Variants in CAPG observed in about 807,000 individuals in gnomAD.
CAPG encodes capping actin protein, gelsolin like.
Under a neutral mutation model 44.6 loss-of-function variants are expected in CAPG, and 32 were observed. The observed-to-expected ratio is 0.72, with a 90% CI of 0.54 to 0.96. The LOEUF (loss-of-function observed/expected upper bound fraction) is 0.96, where lower values mean the gene tolerates loss of function less well. Ranked by LOEUF, CAPG falls within the 50% of genes least tolerant of loss-of-function variation. CAPG has a pLI of 0.00. For missense variants in CAPG, 412 were observed against 438.3 expected (o/e 0.94, Z 0.54); for synonymous variants, 175 against 179.6 (o/e 0.97, Z 0.20).
At chr2:85,401,084 C>T in intron 5 of CAPG, 81 bp downstream of exon 5, 2 of 1,367,302 alleles carry the variant, frequency 1.5e-6, no homozygotes, top group Non-Finnish European at 2.0e-6. Context: ...AGCTTCTCTC[C>T]CTCTTTCCTG....
Position 85,394,916 on chromosome 2 carries a change from G to A in CAPG, c.1024C>T (p.Gln342Ter). 6.2e-7 allele frequency: 1 copy of A among 1,613,386 alleles called. No individual in the cohort carries two copies. The highest frequency in any genetic ancestry group is 8.5e-7 in the Non-Finnish European group (1 of 1,179,290). The change falls in exon 10 of 10, where the codon CAA (glutamine) becomes TAA (stop). Residue 342 changes from glutamine to a stop codon, truncating the protein, a stop_gained. Transcript: ENST00000263867. LOFTEE classifies it high-confidence loss of function. ...PQGHESPIFK[Q>*]FFKDWK ...CCTCATTTCCAGTCCTTGAAAAATT[G>A]CTTGAAGATGGGACTCTCATGGCCC... is the stretch of plus-strand genomic sequence containing the variant.
At chr2:85,409,555 G>T (rs1687322530) in intron 1 of CAPG, among the ~76,000 whole-genome samples, 1 of 151,938 alleles carries the variant, frequency 6.6e-6, no homozygotes, top group Admixed American at 6.6e-5. Context: ...CTTGCCCCTA[G>T]GTGTGAAATG....
chr2:85,406,573 T>C (rs1482626438), intron 1 of CAPG, among the ~76,000 whole-genome samples: 2 of 151,986 alleles, frequency 1.3e-5, no homozygotes. Flanking sequence ...AGAATCCTGT[T>C]AGGGGCCGGG....
Position 85,395,396 on chromosome 2 carries a change from T to C in CAPG, c.981+142A>G, listed in dbSNP as rs532255201. On this transcript the variant is annotated intron_variant, in intron 9 of 9. Transcript: ENST00000263867. The surrounding 1 kb of genome is among the most constrained non-coding windows in gnomAD (Gnocchi z 4.3). ...CATTTTGAAGGATTGAGATGGGCTTTCCCACTGGATGGGTCTAAGAGGGAG... is the reference window on the plus strand; with the variant it reads ...CATTTTGAAGGATTGAGATGGGCTTCCCCACTGGATGGGTCTAAGAGGGAG... 1.5e-6 allele frequency: 1 copy of C among 655,634 alleles called. No homozygotes were observed. The highest frequency in any genetic ancestry group is 2.8e-6 in the Non-Finnish European group (1 of 363,322). 40.6% of individuals were successfully genotyped at this position (655,634 alleles called of 1,614,324 possible). A position where few individuals can be genotyped will look rare whatever the true frequency, so the allele number is the denominator to read the frequency against.
upstream of CAPG, among the ~76,000 whole-genome samples, chr2:85,411,524 T>C (rs539327357): frequency 2.6e-5 from 4 of 152,246 alleles, no homozygotes; most frequent in African/African-American, 9.6e-5. Context: ...GCGGACTCAG[T>C]ATGAGGCTCC....
intron 8 of CAPG, among the ~76,000 whole-genome samples, chr2:85,397,318 T>A (rs896544435): frequency 1.3e-5 from 2 of 152,136 alleles, no homozygotes; most frequent in African/African-American, 4.8e-5. Flanking sequence ...AATCAGAATC[T>A]ATGGGGGTGG....
At chr2:85,398,550 T>G (rs1686719562) in intron 7 of CAPG, 140 bp downstream of exon 7, 2 of 707,730 alleles carry the variant, frequency 2.8e-6, no homozygotes, top group African/African-American at 1.8e-5. Flanking sequence ...CCCAGCCCTG[T>G]ATAACTCCCC....
intron 1 of CAPG, among the ~76,000 whole-genome samples, chr2:85,405,450 G>A (rs1343652022): frequency 1.3e-5 from 2 of 152,050 alleles, no homozygotes; most frequent in East Asian, 3.9e-4. Flanking sequence ...AAGGGCTTGG[G>A]GAATTGGAGG....
At position 85,395,029 on chromosome 2, in the gene CAPG, G is replaced by A; in HGVS notation, c.982-71C>T. ...TCTGCCTCTGCCCAGGAGGACAGGA[G>A]GGGGCCAGAGCCAGGGAGGAGGGTG... On this transcript the variant is annotated intron_variant, in intron 9 of 9. Transcript: ENST00000263867. This position sits in a 1 kb window ranked among gnomAD's most constrained non-coding sequence, Gnocchi z 4.3. The A allele has an allele frequency of 9.4e-7, 1 of 1,061,202 alleles. No homozygotes were observed. Among genetic ancestry groups the A allele is most frequent in the Non-Finnish European group, 1.5e-6 (1 of 683,136 alleles). 65.7% of individuals were successfully genotyped at this position (1,061,202 alleles called of 1,614,324 possible). A position where few individuals can be genotyped will look rare whatever the true frequency, so the allele number is the denominator to read the frequency against.
At chr2:85,408,519 A>G (rs1196614300) in intron 1 of CAPG, among the ~76,000 whole-genome samples, 1 of 152,108 alleles carries the variant, frequency 6.6e-6, no homozygotes, top group Non-Finnish European at 1.5e-5. Context: ...GTTTTATAGC[A>G]TAAACTGGCT....
upstream of CAPG, among the ~76,000 whole-genome samples, chr2:85,419,436 A>G (rs1364732401): frequency 6.6e-6 from 1 of 152,216 alleles, no homozygotes; most frequent in Non-Finnish European, 1.5e-5. Flanking sequence ...CCAGGAACTC[A>G]GGGTCCGGCC....
Position 85,401,788 on chromosome 2 carries a change from T to C in CAPG, c.193A>G (p.Ile65Val), listed in dbSNP as rs1000920358. Residue 65 changes from isoleucine (I) to valine (V), a missense_variant, in exon 3 of 10, where the codon ATA (isoleucine) becomes GTA (valine). By Grantham distance (29) the Ile-to-Val change is conservative. Transcript: ENST00000263867. ...PEEVSHLHLWIGQQSSRDEQG... is the reference protein window; with the variant it reads ...PEEVSHLHLWVGQQSSRDEQG... ...TCCCCCATCCAGATCCCCTTACCTATCCACAGGTGCAGATGGGAAACCTCT... is the reference window on the plus strand; with the variant it reads ...TCCCCCATCCAGATCCCCTTACCTACCCACAGGTGCAGATGGGAAACCTCT... The C allele has an allele frequency of 1.2e-6, 2 of 1,613,422 alleles. No individual in the cohort carries two copies. The highest frequency in any genetic ancestry group is 1.7e-6 in the Non-Finnish European group (2 of 1,179,828).
chr2:85,399,076 C>T, intron 6 of CAPG, 60 bp downstream of exon 6: 2 of 1,575,814 alleles, frequency 1.3e-6, no homozygotes, highest in Admixed American at 3.4e-5. Flanking sequence ...AGCTCATCAC[C>T]ACCTCTCTTG....
At chr2:85,394,695 T>C, downstream of CAPG, 1 of 633,428 alleles carries the variant, frequency 1.6e-6, no homozygotes, top group Non-Finnish European at 2.9e-6. Context: ...ACCCCCAGCA[T>C]GGGGATGAAC....
At chr2:85,418,962 G>A (rs372698365), upstream of CAPG, 1 of 152,224 alleles carries the variant, frequency 6.6e-6, no homozygotes, top group Non-Finnish European at 1.5e-5. Context: ...GATGGTGGGT[G>A]GGGGGTTGGG....
upstream of CAPG, chr2:85,414,148 G>A (rs1032215431): frequency 6.6e-6 from 1 of 152,458 alleles, no homozygotes; most frequent in East Asian, 1.9e-4. Flanking sequence ...AAGGGTCCTA[G>A]AATTGGGCGT....
downstream of CAPG, among the ~76,000 whole-genome samples, chr2:85,394,049 A>G (rs1050194443): frequency 3.1e-4 from 47 of 152,226 alleles, no homozygotes; most frequent in African/African-American, 1.1e-3. Context: ...CTCTGGTCCA[A>G]GCTGACACAG....
chr2:85,401,802 T>C lies in CAPG; in HGVS notation c.179A>G (p.His60Arg). The change falls in exon 3 of 10, where the codon CAT (histidine) becomes CGT (arginine). Residue 60 changes from histidine to arginine, a missense_variant. Transcript: ENST00000263867. ...VLHNGPEEVS[H>R]LHLWIGQQSS... ...CCCCTTACCTATCCACAGGTGCAGATGGGAAACCTCTTCTGGGCCATTGTG... is the reference window on the plus strand; with the variant it reads ...CCCCTTACCTATCCACAGGTGCAGACGGGAAACCTCTTCTGGGCCATTGTG... 1.2e-6 allele frequency: 2 copies of C among 1,613,578 alleles called. No individual in the cohort carries two copies. The highest frequency in any genetic ancestry group is 2.2e-5 in the East Asian group (1 of 44,792).
intron 2 of CAPG, 52 bp from the exon 3 acceptor site, chr2:85,402,009 A>G (rs1686925758): frequency 2.5e-6 from 4 of 1,609,630 alleles, no homozygotes; most frequent in Middle Eastern, 1.7e-4. Flanking sequence ...GCCCAAGCAC[A>G]GCCCTGGGCA....
Sources: gnomAD v4.1 joint callset for allele counts (sites outside exome capture counted in the v4.1 genomes callset) on GRCh38, gnomAD v4.1.1 for gene constraint, Gnocchi (gnomAD v3.1) non-coding constraint, MANE v1.5 for transcripts, NCBI Gene and HGNC (gene_info 2026-07-23, HGNC 2026-07-21) for gene names.